Variants in STK32B observed in about 807,000 individuals in gnomAD.
STK32B encodes serine/threonine-protein kinase 32B.
STK32B carries 43 observed loss-of-function variants against 52.6 expected under a neutral mutation model. The observed-to-expected ratio is 0.82, with a 90% CI of 0.64 to 1.05. STK32B has a LOEUF of 1.05. STK32B is among the 50% of genes least tolerant of loss of function. The pLI is 0.00. For synonymous variants in STK32B, 238 were observed against 204.3 expected (o/e 1.17, Z -1.41); for missense variants, 621 against 534.6 (o/e 1.16, Z -1.59).
intron 3 of STK32B, among the ~76,000 whole-genome samples, chr4:5,228,621 G>A (rs1468112080): frequency 6.6e-6 from 1 of 152,124 alleles, no homozygotes; most frequent in Admixed American, 6.5e-5. Flanking sequence ...GCAATAAAGT[G>A]AATATCACAA....
chr4:5,495,785 C>T (rs1438377269), intron 11 of STK32B, among the ~76,000 whole-genome samples: 1 of 152,158 alleles, frequency 6.6e-6, no homozygotes, highest in African/African-American at 2.4e-5. Flanking sequence ...TGTTAGTTTT[C>T]CTTCTAACAG....
At chr4:5,336,771 A>G (rs886648315) in intron 4 of STK32B, among the ~76,000 whole-genome samples, 1 of 152,202 alleles carries the variant, frequency 6.6e-6, no homozygotes, top group Non-Finnish European at 1.5e-5. Context: ...AACATAGAGG[A>G]AGAAATCATC....
intron 1 of STK32B, among the ~76,000 whole-genome samples, chr4:5,126,399 C>T (rs143760604): frequency 1.5e-3 from 231 of 152,312 alleles, no homozygotes; most frequent in African/African-American, 5.3e-3. Context: ...GCAGGCCAGC[C>T]CTGCTGAGCG....
intron 3 of STK32B, among the ~76,000 whole-genome samples, chr4:5,214,638 TAACAC>T (rs1247638852): frequency 1.3e-5 from 2 of 152,236 alleles, no homozygotes; most frequent in Non-Finnish European, 1.5e-5. Flanking sequence ...AATTTGATAA[TAACAC>T]AAGAAACTTA....
chr4:5,335,466 G>A (rs1237052251), intron 4 of STK32B, among the ~76,000 whole-genome samples: 2 of 151,860 alleles, frequency 1.3e-5, no homozygotes, highest in Middle Eastern at 3.2e-3. Flanking sequence ...GGTTTTTTAT[G>A]TCTCTCTTTC....
At chr4:5,443,610 C>A (rs1248624725) in intron 6 of STK32B, among the ~76,000 whole-genome samples, 4 of 152,198 alleles carry the variant, frequency 2.6e-5, no homozygotes, top group African/African-American at 9.6e-5. Context: ...TTGTCAAAGT[C>A]ATTCTCCATC....
At chr4:5,281,916 ATTC>A (rs1310134524) in intron 3 of STK32B, among the ~76,000 whole-genome samples, 1 of 152,144 alleles carries the variant, frequency 6.6e-6, no homozygotes, top group Non-Finnish European at 1.5e-5. Context: ...TATTTTTTCT[ATTC>A]TTTGAAATAT....
In STK32B at chr4:5,398,769, A is replaced by T. The variant is rs1272637458; in HGVS notation, c.472+525A>T. Among the ~76,000 whole-genome samples, 1 of 152,142 alleles carries T rather than the reference A, an allele frequency of 6.6e-6. No individual in the cohort carries two copies. Among genetic ancestry groups the T allele is most frequent in the African/African-American group, 2.4e-5 (1 of 41,402 alleles). On this transcript the variant is annotated intron_variant, in intron 5 of 11. Coordinates refer to ENST00000282908, the MANE Select transcript of STK32B (RefSeq NM_018401.3). The surrounding 1 kb of genome is among the most constrained non-coding windows in gnomAD (Gnocchi z 4.9). Reference sequence around the variant, plus strand: ...CAAAATTTCCTTTATGTGCACACAGATCTCCTAGGCATCTTCTCAAACTGA... The same window carrying T: ...CAAAATTTCCTTTATGTGCACACAGTTCTCCTAGGCATCTTCTCAAACTGA...
chr4:5,256,150 A>C (rs1726278642), intron 3 of STK32B, among the ~76,000 whole-genome samples: 1 of 151,898 alleles, frequency 6.6e-6, no homozygotes, highest in Non-Finnish European at 1.5e-5. Context: ...AGATGCAGAT[A>C]CTGAGCCTAG....
At chr4:5,211,010 G>T (rs12648622) in intron 3 of STK32B, among the ~76,000 whole-genome samples, 51,794 of 151,554 alleles carry the variant, frequency 0.34, 9,397 homozygotes, top group East Asian at 0.47. Context: ...GCCTAGGCTG[G>T]TCTCAAACTC....
intron 2 of STK32B, among the ~76,000 whole-genome samples, chr4:5,165,281 C>T (rs1718781282): frequency 6.6e-6 from 1 of 152,148 alleles, no homozygotes; most frequent in Admixed American, 6.5e-5. Flanking sequence ...GTATCAACCG[C>T]CTGCTTTTGC....
intron 3 of STK32B, among the ~76,000 whole-genome samples, chr4:5,241,024 G>T (rs1426162053): frequency 6.6e-6 from 1 of 151,864 alleles, no homozygotes; most frequent in Non-Finnish European, 1.5e-5. Context: ...CTTCTTATCA[G>T]GTTAATTACT....
At chr4:5,122,984 C>T (rs900596565) in intron 1 of STK32B, among the ~76,000 whole-genome samples, 1 of 152,148 alleles carries the variant, frequency 6.6e-6, no homozygotes, top group African/African-American at 2.4e-5. Context: ...TGCATTTCCT[C>T]CTGTGGCTGT....
chr4:5,235,956 T>TG (rs1049271399), intron 3 of STK32B, among the ~76,000 whole-genome samples: 2 of 150,708 alleles, frequency 1.3e-5, no homozygotes, highest in African/African-American at 4.9e-5. Context: ...GCTTTCCACA[T>TG]GGGGGACCAG....
intron 4 of STK32B, among the ~76,000 whole-genome samples, chr4:5,364,657 C>T (rs1734760999): frequency 6.6e-6 from 1 of 152,130 alleles, no homozygotes; most frequent in African/African-American, 2.4e-5. Context: ...GTGGGCTGTG[C>T]CCCAGGGACA....
intron 11 of STK32B, among the ~76,000 whole-genome samples, chr4:5,479,058 G>A (rs555081675): frequency 1.4e-4 from 22 of 151,760 alleles, no homozygotes; most frequent in African/African-American, 2.4e-4. Context: ...AGTTAATCCC[G>A]GGGAGTTTTT....
At chr4:5,493,738 A>G (rs1323453139) in intron 11 of STK32B, among the ~76,000 whole-genome samples, 6 of 151,812 alleles carry the variant, frequency 4.0e-5, no homozygotes, top group East Asian at 3.9e-4. Context: ...TTCCCTCTAC[A>G]CACTGCTTTG....
At position 5,460,142 on chromosome 4, in the gene STK32B, C is replaced by T; in HGVS notation, c.823C>T (p.His275Tyr). 6.2e-7 allele frequency: 1 copy of T among 1,614,212 alleles called. No individual in the cohort carries two copies. The highest frequency in any genetic ancestry group is 8.5e-7 in the Non-Finnish European group (1 of 1,180,046). The change falls in exon 9 of 12, where the codon CAT becomes TAT. Residue 275 changes from histidine to tyrosine, a missense_variant. His to Tyr is a moderately conservative substitution (Grantham distance 83). Transcript: ENST00000282908. The surrounding 1 kb of genome is among the most constrained non-coding windows in gnomAD (Gnocchi z 4.8). ...KDPESRVSSLHDIQSVPYLAD... is the reference protein window; with the variant it reads ...KDPESRVSSLYDIQSVPYLAD... ...TCCTGAGAGCCGCGTGTCCAGCCTT[C>T]ATGACATACAGAGCGTGCCCTACTT...
intron 3 of STK32B, among the ~76,000 whole-genome samples, chr4:5,222,088 G>A (rs1723574805): frequency 6.6e-6 from 1 of 152,116 alleles, no homozygotes; most frequent in Admixed American, 6.5e-5. Context: ...GATGAAGAGA[G>A]CAGTCCTCAC....
Sources: allele counts gnomAD v4.1 joint callset (sites outside exome capture counted in the v4.1 genomes callset), GRCh38; gene constraint gnomAD v4.1.1; non-coding constraint Gnocchi (gnomAD v3.1); transcripts MANE v1.5; gene names NCBI Gene and HGNC (gene_info 2026-07-23, HGNC 2026-07-21).